Variants in FAM13A observed in about 807,000 individuals in gnomAD.
FAM13A encodes the protein family with sequence similarity 13 member A.
A neutral mutation model predicts 129.6 loss-of-function variants in FAM13A; 76 were observed. The ratio of observed to expected loss-of-function variants is 0.59; its 90% CI spans 0.49 to 0.71. The LOEUF (loss-of-function observed/expected upper bound fraction) is 0.71, where lower values mean the gene tolerates loss of function less well. Among genes scored for constraint, FAM13A ranks in the 30% least tolerant of loss-of-function variants. The pLI is 0.00. For missense variants in FAM13A, 1,108 were observed against 1,249.3 expected, an observed-to-expected ratio of 0.89 and a Z score of 1.70; for synonymous variants, 443 against 449.9, an observed-to-expected ratio of 0.98 and a Z score of 0.20.
chr4:88,842,263 GA>G (rs1401569745), intron 7 of FAM13A, among the ~76,000 whole-genome samples: 1 of 152,188 alleles, frequency 6.6e-6, no homozygotes, highest in Non-Finnish European at 1.5e-5. Flanking sequence ...GTGGGAGAAG[GA>G]CACTCCAGAT....
At chr4:89,000,362 T>TA (rs1764094947) in intron 3 of FAM13A, among the ~76,000 whole-genome samples, 1 of 152,184 alleles carries the variant, frequency 6.6e-6, no homozygotes, top group South Asian at 2.1e-4. Context: ...GCAGTACTGA[T>TA]ATATGTGACA....
At chr4:88,780,538 T>C (rs1429860038) in intron 11 of FAM13A, among the ~76,000 whole-genome samples, 1 of 152,172 alleles carries the variant, frequency 6.6e-6, no homozygotes, top group Admixed American at 6.6e-5. Flanking sequence ...GGATGATGAA[T>C]GTTAATAGTT....
chr4:88,768,295 C>T (rs889529468), intron 11 of FAM13A: 1 of 335,628 alleles, frequency 3.0e-6, no homozygotes, highest in East Asian at 5.0e-5. Context: ...GACAGCATCA[C>T]AGAAATGGCC....
intron 7 of FAM13A, among the ~76,000 whole-genome samples, chr4:88,818,842 A>T (rs1731331265): frequency 6.6e-6 from 1 of 152,222 alleles, no homozygotes; most frequent in South Asian, 2.1e-4. Context: ...CATCTCCACG[A>T]GCAGCAGAGG....
rs1801918 is a variant in FAM13A, at chr4:88,727,319, A to C, written c.*1214T>G. The C allele has an allele frequency of 0.086, 13,109 of 152,662 alleles. 1,019 individuals carry two copies. Among genetic ancestry groups the C allele is most frequent in the South Asian group, 0.33 (1,569 of 4,806 alleles). The allele number at this position is 152,662 out of a possible 1,614,324, so 9.5% of individuals were successfully genotyped here. A position where few individuals can be genotyped will look rare whatever the true frequency, so the allele number is the denominator to read the frequency against. ...AGGTGACATCAGGCACACTGAAGAG[A>C]TGGAGGATTTGGTGTCTTACATTTC... On this transcript the variant is annotated 3_prime_UTR_variant, in exon 24 of 24. Transcript: ENST00000264344.
chr4:89,029,567 T>C lies in FAM13A; in HGVS notation c.110A>G (p.Tyr37Cys), dbSNP rs776972442. 2 of 1,594,062 alleles carry C rather than the reference T, an allele frequency of 1.3e-6. No individual in the cohort carries two copies. Among genetic ancestry groups the C allele is most frequent in the Non-Finnish European group, 1.7e-6 (2 of 1,174,448 alleles). The change falls in exon 2 of 24, where the codon TAT becomes TGT. Residue 37 changes from tyrosine (Y) to cysteine (C), a missense_variant. Transcript: ENST00000264344. ...VPLNEQKDFT[Y>C]QKLFGVSLQE... Reference sequence around the variant, plus strand: ...GAGACTGACTCCAAATAACTTCTGATAGGTAAAATCCTTCTGTTCATTTAA... The same window carrying C: ...GAGACTGACTCCAAATAACTTCTGACAGGTAAAATCCTTCTGTTCATTTAA...
intron 4 of FAM13A, among the ~76,000 whole-genome samples, chr4:88,968,164 C>G (rs1180531888): frequency 6.6e-6 from 1 of 152,160 alleles, no homozygotes; most frequent in Non-Finnish European, 1.5e-5. Context: ...ATCTCTGATA[C>G]AAAGCACCCG....
chr4:88,754,205 A>T (rs1159220983), intron 14 of FAM13A, among the ~76,000 whole-genome samples: 2 of 152,232 alleles, frequency 1.3e-5, no homozygotes, highest in Non-Finnish European at 2.9e-5. Context: ...TAATCCACCC[A>T]GGTCAGTTGA....
intron 3 of FAM13A, among the ~76,000 whole-genome samples, chr4:89,003,286 A>G (rs1424547669): frequency 9.9e-5 from 5 of 50,308 alleles, no homozygotes; most frequent in East Asian, 1.2e-3. Context: ...CAATTTGGAA[A>G]AAAAAAAAAA....
At chr4:89,013,563 A>G (rs1344527091) in intron 3 of FAM13A, among the ~76,000 whole-genome samples, 1 of 152,086 alleles carries the variant, frequency 6.6e-6, no homozygotes, top group Non-Finnish European at 1.5e-5. Context: ...GTCCTATAAG[A>G]TTATAATGGA....
chr4:88,826,180 C>T (rs952965432), intron 7 of FAM13A, among the ~76,000 whole-genome samples: 4 of 152,088 alleles, frequency 2.6e-5, no homozygotes, highest in Non-Finnish European at 5.9e-5. Context: ...CCTTAATGTG[C>T]ATCCCTCTTA....
intron 6 of FAM13A, among the ~76,000 whole-genome samples, chr4:88,893,235 T>C (rs558253479): frequency 5.9e-5 from 9 of 152,206 alleles, no homozygotes; most frequent in Admixed American, 1.3e-4. Flanking sequence ...GGTTTATTTT[T>C]TGGTCATGAC....
intron 6 of FAM13A, among the ~76,000 whole-genome samples, chr4:88,853,319 C>T (rs1022053753): frequency 1.3e-5 from 2 of 152,098 alleles, no homozygotes; most frequent in African/African-American, 4.8e-5. Context: ...ATATGCGTTA[C>T]CTCACATACA....
intron 3 of FAM13A, among the ~76,000 whole-genome samples, chr4:89,013,288 GTA>G: frequency 6.9e-6 from 1 of 145,410 alleles, no homozygotes. Context: ...ATATAACACA[GTA>G]TATATATATA....
intron 4 of FAM13A, among the ~76,000 whole-genome samples, chr4:88,987,848 A>AAAAAAAAAAAAAC (rs1762447619): frequency 6.6e-6 from 1 of 150,934 alleles, no homozygotes; most frequent in Non-Finnish European, 1.5e-5. Flanking sequence ...CAAAAAAAAA[A>AAAAAAAAAAAAAC]AAAAAAACTT....
chr4:88,831,697 G>A (rs1027371970), intron 7 of FAM13A, among the ~76,000 whole-genome samples: 1 of 152,074 alleles, frequency 6.6e-6, no homozygotes, highest in African/African-American at 2.4e-5. Flanking sequence ...GAGAAATGAA[G>A]GACCTCTTCA....
chr4:89,056,982 G>A lies in FAM13A; in HGVS notation c.-18C>T. On this transcript the variant is annotated 5_prime_UTR_variant, in exon 1 of 24. Coordinates refer to ENST00000264344, the MANE Select transcript of FAM13A (RefSeq NM_014883.4). ...GCCCCCATTCTCTCAGAAAGCGTCT[G>A]GAAGAACTGAGGAAGACCAGACGAA... 5.0e-6 allele frequency: 8 copies of A among 1,613,390 alleles called. No homozygotes were observed. Among genetic ancestry groups the A allele is most frequent in the Non-Finnish European group, 6.8e-6 (8 of 1,179,658 alleles).
At chr4:88,732,554 G>T in intron 21 of FAM13A, 1 of 165,420 alleles carries the variant, frequency 6.0e-6, no homozygotes, top group Non-Finnish European at 1.3e-5. Context: ...CCAGCTCTGT[G>T]ACAGTACAAA....
intron 7 of FAM13A, among the ~76,000 whole-genome samples, chr4:88,843,766 G>A (rs140881095): frequency 3.9e-5 from 6 of 152,334 alleles, no homozygotes; most frequent in Non-Finnish European, 7.3e-5. Context: ...TCTGCCACAA[G>A]TGCAGAGAGC....
Sources: gnomAD v4.1 joint callset for allele counts (sites outside exome capture counted in the v4.1 genomes callset) on GRCh38, gnomAD v4.1.1 for gene constraint, MANE v1.5 for transcripts, NCBI Gene and HGNC (gene_info 2026-07-23, HGNC 2026-07-21) for gene names.